The following FMO2 variants were observed in gnomAD, a reference collection of about 807,000 sequenced individuals.
FMO2 encodes flavin containing dimethylaniline monoxygenase 2.
A neutral mutation model predicts 41.6 loss-of-function variants in FMO2; 33 were observed. The ratio of observed to expected loss-of-function variants is 0.79; its 90% CI spans 0.60 to 1.06. FMO2 has a LOEUF of 1.06. FMO2 is among the 50% of genes least tolerant of loss of function. The probability of loss-of-function intolerance (pLI) is 0.00; values close to 1 mark genes in which losing one functional copy is unlikely to be tolerated. For synonymous variants in FMO2, 214 were observed against 219.6 expected (o/e 0.97, Z 0.23); for missense variants, 619 against 632.9 (o/e 0.98, Z 0.23).
intron 6 of FMO2, among the ~76,000 whole-genome samples, chr1:171,205,037 T>G (rs565841523): frequency 6.6e-6 from 1 of 152,332 alleles, no homozygotes; most frequent in East Asian, 1.9e-4. Context: ...GGATGCTTCC[T>G]TCCTTAAAAT....
chr1:171,190,399 A>G (rs956890490), intron 2 of FMO2, among the ~76,000 whole-genome samples: 1 of 152,198 alleles, frequency 6.6e-6, no homozygotes, highest in South Asian at 2.1e-4. Flanking sequence ...TCTACACATA[A>G]GGAAATTCAG....
At chr1:171,198,569 C>T (rs1369305020) in intron 4 of FMO2, among the ~76,000 whole-genome samples, 3 of 152,008 alleles carry the variant, frequency 2.0e-5, no homozygotes, top group Admixed American at 1.3e-4. Flanking sequence ...TGCACGACCA[C>T]CCCTGGCTAA....
chr1:171,186,012 C>T (rs1049648154), intron 2 of FMO2, 167 bp downstream of exon 2: 7 of 717,656 alleles, frequency 9.8e-6, no homozygotes, highest in Middle Eastern at 4.4e-4. Flanking sequence ...TGGCATCTCT[C>T]CCCCAGTCAA....
At chr1:171,191,919 T>C (rs1001673639) in intron 2 of FMO2, among the ~76,000 whole-genome samples, 3 of 80,826 alleles carry the variant, frequency 3.7e-5, no homozygotes, top group Non-Finnish European at 6.9e-5. Context: ...GCGCCTGTAG[T>C]CCCAGCTACT....
chr1:171,196,083 G>C (rs765538307), intron 3 of FMO2, among the ~76,000 whole-genome samples: 4 of 152,196 alleles, frequency 2.6e-5, no homozygotes, highest in Non-Finnish European at 4.4e-5. Context: ...CAAACAGAGA[G>C]AAGTTCTTTA....
At chr1:171,189,246 G>T (rs1329317349) in intron 2 of FMO2, among the ~76,000 whole-genome samples, 2 of 151,906 alleles carry the variant, frequency 1.3e-5, no homozygotes, top group Non-Finnish European at 2.9e-5. Context: ...TTAATATTTG[G>T]ATTTGGATCT....
chr1:171,196,224 T>A (rs1280911835), intron 3 of FMO2, among the ~76,000 whole-genome samples: 1 of 152,194 alleles, frequency 6.6e-6, no homozygotes, highest in Non-Finnish European at 1.5e-5. Flanking sequence ...AATTACATAA[T>A]TGTTTTGAAA....
At chr1:171,203,745 T>C (rs1365294241) in intron 5 of FMO2, 120 bp from the exon 6 acceptor site, 4 of 834,060 alleles carry the variant, frequency 4.8e-6, no homozygotes, top group Non-Finnish European at 7.6e-6. Flanking sequence ...AGGTCAATCA[T>C]CTTTAAAACA....
Position 171,208,864 on chromosome 1 carries a change from A to C in FMO2, c.1327A>C (p.Ile443Leu), listed in dbSNP as rs1279871615. The change falls in exon 9 of 9, where the codon ATA (isoleucine) becomes CTA (leucine). Residue 443 changes from isoleucine to leucine, a missense_variant. Transcript: ENST00000209929. ...VDYLDELALE[I>L]GAKPDFCSLL... ...CTACTTGGACGAGCTCGCCTTAGAG[A>C]TAGGTGCGAAGCCAGATTTCTGCTC... 1 of 1,613,844 alleles carries C rather than the reference A, an allele frequency of 6.2e-7. No individual in the cohort carries two copies. The highest frequency in any genetic ancestry group is 8.5e-7 in the Non-Finnish European group (1 of 1,179,904).
chr1:171,209,514 G>T lies in FMO2; in HGVS notation c.*369G>T, dbSNP rs1658898589. 6.1e-6 allele frequency: 1 copy of T among 164,190 alleles called. No homozygotes were observed. The highest frequency in any genetic ancestry group is 2.4e-5 in the African/African-American group (1 of 42,054). 10.2% of individuals were successfully genotyped at this position (164,190 alleles called of 1,614,324 possible). A position where few individuals can be genotyped will look rare whatever the true frequency, so the allele number is the denominator to read the frequency against. On this transcript the variant is annotated 3_prime_UTR_variant, in exon 9 of 9. Coordinates refer to ENST00000209929, the MANE Select transcript of FMO2 (RefSeq NM_001460.5). ...TTTAAATTATTGGACAATTTAAATT[G>T]TGGGTAAATATTTAAAACTCCTGAA... is the stretch of plus-strand genomic sequence containing the variant.
chr1:171,189,761 C>T (rs1222597080), intron 2 of FMO2, among the ~76,000 whole-genome samples: 2 of 147,846 alleles, frequency 1.4e-5, no homozygotes, highest in African/African-American at 5.0e-5. Flanking sequence ...CGGGTTCAAG[C>T]GATTTAGCTG....
At chr1:171,194,218 TTAAA>T (rs1222741478) in intron 3 of FMO2, among the ~76,000 whole-genome samples, 2 of 152,242 alleles carry the variant, frequency 1.3e-5, no homozygotes, top group Admixed American at 6.5e-5. Flanking sequence ...TAGATGTGTA[TTAAA>T]TAAATTCATT....
chr1:171,188,641 C>T (rs1022173439), intron 2 of FMO2, among the ~76,000 whole-genome samples: 2 of 152,150 alleles, frequency 1.3e-5, no homozygotes, highest in African/African-American at 4.8e-5. Context: ...CCATGCTCTT[C>T]CCTGGGAAAC....
chr1:171,203,470 C>T (rs902127363), intron 5 of FMO2, among the ~76,000 whole-genome samples: 2 of 152,236 alleles, frequency 1.3e-5, no homozygotes. Flanking sequence ...GCTATAATCG[C>T]ACATTTCCAA....
chr1:171,212,246 G>T lies in FMO2; in HGVS notation c.*3101G>T, dbSNP rs1659011394. Among the ~76,000 whole-genome samples the T allele has an allele frequency of 6.6e-6, 1 of 152,118 alleles. No homozygotes were observed. The highest frequency in any genetic ancestry group is 2.1e-4 in the South Asian group (1 of 4,818). On this transcript the variant is annotated 3_prime_UTR_variant, in exon 9 of 9. Transcript: ENST00000209929. ...TCTCAGGAGTGTGTTGGTTATAAAA[G>T]CAAGTTTGGCTCCCTCTTTTCCTCA...
intron 2 of FMO2, among the ~76,000 whole-genome samples, chr1:171,187,841 T>A (rs1571268528): frequency 6.6e-6 from 1 of 152,152 alleles, no homozygotes; most frequent in East Asian, 1.9e-4. Context: ...AGGGAGAAAT[T>A]GATTCTTCTG....
In FMO2 at chr1:171,198,283, TTTTTAG is replaced by T. The variant is rs941092023; in HGVS notation, c.485-1052_485-1047del. Among the ~76,000 whole-genome samples, 85 of 152,280 alleles carry T rather than the reference TTTTTAG, an allele frequency of 5.6e-4. 1 individual carries two copies. The highest frequency in any genetic ancestry group is 1.9e-3 in the African/African-American group (81 of 41,554). On this transcript the variant is annotated intron_variant, in intron 4 of 8. Transcript: ENST00000209929. ...TGGAAACCAACTCCTATGTGCCTGG[TTTTTAG>T]TTTTAGTTTTTGTTTACTTTTTGAA...
At chr1:171,204,758 A>G (rs1230386005) in intron 6 of FMO2, among the ~76,000 whole-genome samples, 2 of 152,200 alleles carry the variant, frequency 1.3e-5, no homozygotes, top group Non-Finnish European at 1.5e-5. Context: ...CATCCATGCT[A>G]TTACTAACAG....
At chr1:171,207,434 G>C (rs1018379508) in intron 7 of FMO2, 2 of 303,656 alleles carry the variant, frequency 6.6e-6, no homozygotes, top group Non-Finnish European at 1.2e-5. Context: ...CTTCAGGATA[G>C]AGCCCAAACC....
Sources: gnomAD v4.1 joint callset for allele counts (sites outside exome capture counted in the v4.1 genomes callset) on GRCh38, gnomAD v4.1.1 for gene constraint, MANE v1.5 for transcripts, NCBI Gene and HGNC (gene_info 2026-07-23, HGNC 2026-07-21) for gene names.